EFCAB8: variants seen among roughly 807,000 people sequenced by gnomAD.
EFCAB8 encodes the protein EF-hand calcium-binding domain-containing protein 8.
Under a neutral mutation model 116.3 loss-of-function variants are expected in EFCAB8, and 100 were observed. The ratio of observed to expected loss-of-function variants is 0.86; its 90% CI spans 0.73 to 1.02. The LOEUF is 1.02. Ranked by LOEUF, EFCAB8 falls within the 50% of genes least tolerant of loss-of-function variation. The probability of loss-of-function intolerance (pLI) is 0.00; values close to 1 mark genes in which losing one functional copy is unlikely to be tolerated. For missense variants in EFCAB8, 1,320 were observed against 1,416.9 expected, an observed-to-expected ratio of 0.93 and a Z score of 1.10; for synonymous variants, 558 against 567.9, an observed-to-expected ratio of 0.98 and a Z score of 0.25.
chr20:32,906,895 G>A lies in EFCAB8; in HGVS notation c.1209G>A (p.Lys403=). The A allele has an allele frequency of 1.9e-6, 3 of 1,551,440 alleles. No homozygotes were observed. Among genetic ancestry groups the A allele is most frequent in the Admixed American group, 3.9e-5 (2 of 50,998 alleles). ...FIRLWNPFVS[K]RPVWLMKGHQ... Reference sequence around the variant, plus strand: ...GCCTGTGGAACCCCTTTGTCTCAAAGAGGCCCGTGTGGCTGATGAAGGGAC... The same window carrying A: ...GCCTGTGGAACCCCTTTGTCTCAAAAAGGCCCGTGTGGCTGATGAAGGGAC... Residue 403 remains lysine, a synonymous_variant, in exon 13 of 27, where the codon AAG becomes AAA. Transcript: ENST00000400522.
chr20:32,934,535 A>G (rs1988028773), intron 22 of EFCAB8, among the ~76,000 whole-genome samples: 1 of 152,186 alleles, frequency 6.6e-6, no homozygotes, highest in African/African-American at 2.4e-5. Context: ...AGGAAACCCC[A>G]TACTATTTCT....
chr20:32,957,491 T>C (rs1044211284), intron 23 of EFCAB8, among the ~76,000 whole-genome samples: 1 of 152,124 alleles, frequency 6.6e-6, no homozygotes, highest in African/African-American at 2.4e-5. Context: ...GAGGACTCAG[T>C]TTGCCTCTGT....
intron 3 of EFCAB8, among the ~76,000 whole-genome samples, chr20:32,872,767 C>T (rs887979155): frequency 2.6e-5 from 4 of 151,556 alleles, no homozygotes; most frequent in Non-Finnish European, 5.9e-5. Flanking sequence ...ACACTCCAGC[C>T]TGGGCAACAG....
intron 2 of EFCAB8, among the ~76,000 whole-genome samples, chr20:32,864,091 C>G (rs1181005658): frequency 6.6e-6 from 1 of 151,972 alleles, no homozygotes; most frequent in Non-Finnish European, 1.5e-5. Flanking sequence ...ATTCTCTTGC[C>G]TCAGCCTCCT....
At chr20:32,917,607 A>G in intron 18 of EFCAB8, 102 bp downstream of exon 18, 1 of 1,331,958 alleles carries the variant, frequency 7.5e-7, no homozygotes, top group South Asian at 1.4e-5. Context: ...AGCAGGAGGG[A>G]TGATGGCGAC....
Position 32,871,747 on chromosome 20 carries a change from C to T in EFCAB8, c.208+4000C>T, listed in dbSNP as rs114994575. On this transcript the variant is annotated intron_variant, in intron 3 of 26. Coordinates refer to ENST00000400522, the MANE Select transcript of EFCAB8 (RefSeq NM_001143967.2). ...CCATACCGTGTCTTAGGCACCCCAA[C>T]TGTCACTGCGTGCCTTGGAGGGAAG... Among the ~76,000 whole-genome samples, 740 of 152,278 alleles carry T rather than the reference C, an allele frequency of 4.9e-3. 17 individuals are homozygous for T. The highest frequency in any genetic ancestry group is 0.017 in the African/African-American group (714 of 41,516).
At chr20:32,892,089 C>T in intron 7 of EFCAB8, 124 bp from the exon 8 acceptor site, 2 of 824,924 alleles carry the variant, frequency 2.4e-6, no homozygotes, top group South Asian at 1.7e-5. Flanking sequence ...TCTGTGGTTG[C>T]CATGGGGGAA....
intron 20 of EFCAB8, among the ~76,000 whole-genome samples, chr20:32,928,741 C>T (rs185649494): frequency 6.6e-6 from 1 of 152,200 alleles, no homozygotes; most frequent in African/African-American, 2.4e-5. Flanking sequence ...ACTTCCAGTA[C>T]TCTGTTGAAT....
At chr20:32,873,315 G>T (rs569545224) in intron 3 of EFCAB8, among the ~76,000 whole-genome samples, 4 of 151,712 alleles carry the variant, frequency 2.6e-5, no homozygotes, top group African/African-American at 7.3e-5. Flanking sequence ...TCTTGACCTC[G>T]TGATCCACCT....
At chr20:32,945,996 A>G (rs1302282757) in intron 23 of EFCAB8, among the ~76,000 whole-genome samples, 2 of 152,256 alleles carry the variant, frequency 1.3e-5, no homozygotes, top group Non-Finnish European at 2.9e-5. Context: ...GAGGCAAGAC[A>G]GAAACCAGTT....
Position 32,863,806 on chromosome 20 carries a change from A to G in EFCAB8, c.14A>G (p.Asp5Gly). MSSE[D>G]LAEIPQLQKL... is the part of the protein sequence containing the mutation. ...AGGTCAAGGCTAATGTCTTCTGAAG[A>G]CTTAGCAGAGATCCCTCAACTCCAA... Residue 5 changes from aspartate to glycine, a missense_variant, in exon 2 of 27, where the codon GAC (aspartate) becomes GGC (glycine). By Grantham distance (94) the Asp-to-Gly change is moderately conservative. Coordinates refer to ENST00000400522, the MANE Select transcript of EFCAB8 (RefSeq NM_001143967.2). 1 of 1,551,430 alleles carries G rather than the reference A, an allele frequency of 6.4e-7. No individual in the cohort carries two copies. Among genetic ancestry groups the G allele is most frequent in the East Asian group, 2.4e-5 (1 of 40,896 alleles).
intron 15 of EFCAB8, among the ~76,000 whole-genome samples, chr20:32,910,738 C>CT (rs34185318): frequency 0.074 from 7,899 of 107,240 alleles, 1,240 homozygotes; most frequent in African/African-American, 0.22. Flanking sequence ...TCACTTGCTA[C>CT]TTTTTTTTTT....
At position 32,961,201 on chromosome 20, in the gene EFCAB8, C is replaced by A. The variant is rs1427594013; in HGVS notation, c.3459C>A (p.Phe1153Leu). The A allele has an allele frequency of 1.3e-6, 2 of 1,552,304 alleles. No individual in the cohort carries two copies. The highest frequency in any genetic ancestry group is 3.9e-5 in the Admixed American group (2 of 51,012). The change falls in exon 27 of 27, where the codon TTC becomes TTA. Residue 1153 changes from phenylalanine (F) to leucine (L), a missense_variant. By Grantham distance (22) the Phe-to-Leu change is conservative. Transcript: ENST00000400522. ...TGATGCCGACTCAGCAGCCTGACTT[C>A]CTGACCAGCAGGGGCCCAGACCAGC... is the stretch of plus-strand genomic sequence containing the variant. Reference protein sequence around the residue: ...SDLMPTQQPDFLTSRGPDQQD... With the variant: ...SDLMPTQQPDLLTSRGPDQQD...
At chr20:32,932,524 C>T (rs1217759597) in intron 22 of EFCAB8, among the ~76,000 whole-genome samples, 1 of 152,196 alleles carries the variant, frequency 6.6e-6, no homozygotes, top group Non-Finnish European at 1.5e-5. Context: ...ACAGTTCATG[C>T]TCCCTGAAGT....
intron 16 of EFCAB8, 43 bp from the exon 17 acceptor site, chr20:32,912,751 C>T: frequency 1.4e-6 from 1 of 717,474 alleles, no homozygotes; most frequent in Non-Finnish European, 2.6e-6. Context: ...GAGCCATTTT[C>T]TCTGATAAGT....
chr20:32,863,886 C>G, intron 2 of EFCAB8, 52 bp downstream of exon 2: 2 of 1,542,106 alleles, frequency 1.3e-6, no homozygotes, highest in Non-Finnish European at 1.8e-6. Context: ...TCCAGAGTCA[C>G]CCAAAACCTC....
intron 1 of EFCAB8, among the ~76,000 whole-genome samples, chr20:32,862,802 T>C (rs1451687754): frequency 1.3e-5 from 2 of 152,044 alleles, no homozygotes; most frequent in Admixed American, 6.6e-5. Context: ...TAATTTTTTA[T>C]ATTTTTAGTA....
intron 5 of EFCAB8, among the ~76,000 whole-genome samples, chr20:32,881,554 C>T (rs1985337882): frequency 6.6e-6 from 1 of 152,186 alleles, no homozygotes; most frequent in Admixed American, 6.5e-5. Context: ...GGATTTCTCT[C>T]CATTTAATCC....
intron 17 of EFCAB8, among the ~76,000 whole-genome samples, chr20:32,916,045 A>G (rs1428191656): frequency 1.3e-5 from 2 of 152,170 alleles, no homozygotes; most frequent in Non-Finnish European, 2.9e-5. Flanking sequence ...TCCTGGTACC[A>G]GTTTCTGTCT....
Sources: allele counts gnomAD v4.1 joint callset (sites outside exome capture counted in the v4.1 genomes callset), GRCh38; gene constraint gnomAD v4.1.1; transcripts MANE v1.5; gene names NCBI Gene and HGNC (gene_info 2026-07-23, HGNC 2026-07-21).